C2CD3: variants seen among roughly 807,000 people sequenced by gnomAD.
C2CD3 encodes C2 domain-containing protein 3.
Under a neutral mutation model 234.0 loss-of-function variants are expected in C2CD3, and 148 were observed. That is an observed-to-expected ratio of 0.63 (90% confidence interval 0.55 to 0.72). C2CD3 has a LOEUF of 0.72. Ranked by LOEUF, C2CD3 falls within the 30% of genes least tolerant of loss-of-function variation. C2CD3 has a pLI of 0.00. For synonymous variants in C2CD3, 1,000 were observed against 1,035.4 expected, an observed-to-expected ratio of 0.97 and a Z score of 0.66; for missense variants, 2,577 against 2,811.5, an observed-to-expected ratio of 0.92 and a Z score of 1.89.
At chr11:74,098,281 G>A in intron 15 of C2CD3, 26 bp from the exon 16 acceptor site, 1 of 1,607,190 alleles carries the variant, frequency 6.2e-7, no homozygotes, top group Admixed American at 1.7e-5. Flanking sequence ...TTGTGAATAA[G>A]CAAATAACAA....
At chr11:74,170,176 C>T (rs1470028377) in intron 1 of C2CD3, among the ~76,000 whole-genome samples, 1 of 152,172 alleles carries the variant, frequency 6.6e-6, no homozygotes, top group Non-Finnish European at 1.5e-5. Context: ...CCCTTACCCC[C>T]ACTCCAATCC....
intron 3 of C2CD3, among the ~76,000 whole-genome samples, chr11:74,146,567 A>C (rs1233463524): frequency 6.6e-5 from 10 of 152,188 alleles, no homozygotes; most frequent in Non-Finnish European, 1.5e-5. Context: ...ACTGATGACA[A>C]AGGATGATGA....
intron 11 of C2CD3, chr11:74,110,471 T>C (rs1348545975): frequency 2.6e-5 from 4 of 152,204 alleles, no homozygotes; most frequent in Admixed American, 6.5e-5. Flanking sequence ...GAACAAAAGG[T>C]CTGGGGCCAG....
chr11:74,120,633 G>T (rs550531498), intron 8 of C2CD3, among the ~76,000 whole-genome samples: 1 of 152,242 alleles, frequency 6.6e-6, no homozygotes, highest in African/African-American at 2.4e-5. Context: ...AATCCTTTGG[G>T]TATACACCCA....
intron 3 of C2CD3, among the ~76,000 whole-genome samples, chr11:74,150,247 C>T (rs905100692): frequency 1.3e-5 from 2 of 151,192 alleles, no homozygotes; most frequent in African/African-American, 4.9e-5. Context: ...AGAGGCGAGG[C>T]AGGTGGATCA....
intron 13 of C2CD3, 69 bp from the exon 14 acceptor site, chr11:74,103,694 G>A (rs1956407527): frequency 2.3e-6 from 3 of 1,279,762 alleles, no homozygotes; most frequent in Middle Eastern, 2.2e-4. Flanking sequence ...TTTTGAGGCT[G>A]GAAACAACAT....
At chr11:74,103,745 TA>T in intron 13 of C2CD3, 120 bp from the exon 14 acceptor site, 1 of 768,620 alleles carries the variant, frequency 1.3e-6, no homozygotes, top group Non-Finnish European at 2.1e-6. Flanking sequence ...TCAAACACTC[TA>T]ATAGTAAGAA....
chr11:74,151,284 T>G (rs1855635350), intron 3 of C2CD3, among the ~76,000 whole-genome samples: 1 of 151,650 alleles, frequency 6.6e-6, no homozygotes, highest in African/African-American at 2.4e-5. Flanking sequence ...CTTCCTAAAT[T>G]GCCTGTAAGC....
intron 2 of C2CD3, among the ~76,000 whole-genome samples, chr11:74,165,164 G>T (rs1425586632): frequency 6.6e-6 from 1 of 152,054 alleles, no homozygotes; most frequent in Non-Finnish European, 1.5e-5. Flanking sequence ...TTCAAAAATT[G>T]TAAAATGTGA....
chr11:74,041,085 G>C (rs891533063), intron 29 of C2CD3, among the ~76,000 whole-genome samples: 13 of 151,166 alleles, frequency 8.6e-5, no homozygotes, highest in African/African-American at 3.2e-4. Context: ...TTTGATTGTA[G>C]CAACCTCCAT....
intron 13 of C2CD3, among the ~76,000 whole-genome samples, chr11:74,105,295 G>A (rs1043571795): frequency 6.6e-6 from 1 of 151,852 alleles, no homozygotes; most frequent in Admixed American, 6.6e-5. Flanking sequence ...TTTTGAGACA[G>A]AGTCTTGCTC....
At chr11:74,085,483 A>T in intron 21 of C2CD3, 135 bp downstream of exon 21, 13 of 851,744 alleles carry the variant, frequency 1.5e-5, no homozygotes, top group Admixed American at 1.1e-4. Flanking sequence ...TTTTTGCTAT[A>T]TCTTTCAGAA....
chr11:74,017,407 C>A (rs1951918591), intron 32 of C2CD3, among the ~76,000 whole-genome samples: 1 of 152,142 alleles, frequency 6.6e-6, no homozygotes, highest in Non-Finnish European at 1.5e-5. Context: ...ACCTGGACAC[C>A]CAGGTCATGA....
chr11:74,085,687 A>G lies in C2CD3; in HGVS notation c.3841T>C (p.Cys1281Arg). ...LVTQHCSGEA[C>R]FLAELLEFAE... Reference sequence around the variant, plus strand: ...AACTCCAACAACTCTGCTAGGAAACAGGCCTCTCCACTACAGTGCTGAGTC... The same window carrying G: ...AACTCCAACAACTCTGCTAGGAAACGGGCCTCTCCACTACAGTGCTGAGTC... Residue 1281 changes from cysteine to arginine, a missense_variant, in exon 21 of 33, where the codon TGT becomes CGT. Coordinates refer to ENST00000334126, the MANE Select transcript of C2CD3 (RefSeq NM_001286577.2). 1 of 1,614,166 alleles carries G rather than the reference A, an allele frequency of 6.2e-7. No individual in the cohort carries two copies. Among genetic ancestry groups the G allele is most frequent in the Non-Finnish European group, 8.5e-7 (1 of 1,180,034 alleles).
At chr11:74,106,590 C>T (rs999974205) in intron 12 of C2CD3, 97 bp from the exon 13 acceptor site, 1 of 1,160,964 alleles carries the variant, frequency 8.6e-7, no homozygotes, top group African/African-American at 1.6e-5. Context: ...TAAAGGAAAC[C>T]ATTCAGGAAG....
chr11:74,043,956 T>C (rs1953216354), intron 28 of C2CD3, among the ~76,000 whole-genome samples: 1 of 152,102 alleles, frequency 6.6e-6, no homozygotes. Context: ...CCTAAGTAGC[T>C]GAGACCACAG....
chr11:74,028,520 C>A, intron 31 of C2CD3, 122 bp from the exon 32 acceptor site: 1 of 663,584 alleles, frequency 1.5e-6, no homozygotes, highest in East Asian at 2.8e-5. Context: ...TATTCTTGTC[C>A]ATAAATTCTT....
At chr11:74,125,247 C>T (rs1381132085) in intron 7 of C2CD3, among the ~76,000 whole-genome samples, 1 of 152,230 alleles carries the variant, frequency 6.6e-6, no homozygotes, top group South Asian at 2.1e-4. Flanking sequence ...TCACTGAAGC[C>T]TCGAACTCCT....
chr11:74,053,323 T>A (rs947536898), intron 26 of C2CD3, among the ~76,000 whole-genome samples: 1 of 152,240 alleles, frequency 6.6e-6, no homozygotes, highest in Non-Finnish European at 1.5e-5. Flanking sequence ...TTACTAAGTG[T>A]CAGGCCCTTA....
Sources: allele counts gnomAD v4.1 joint callset (sites outside exome capture counted in the v4.1 genomes callset), GRCh38; gene constraint gnomAD v4.1.1; transcripts MANE v1.5; gene names NCBI Gene and HGNC (gene_info 2026-07-23, HGNC 2026-07-21).